KCTD16: variants seen among roughly 807,000 people sequenced by gnomAD.
KCTD16 encodes the protein BTB/POZ domain-containing protein KCTD16.
KCTD16 carries 13 observed loss-of-function variants against 33.2 expected under a neutral mutation model. That is an observed-to-expected ratio of 0.39 (90% CI 0.25 to 0.62). The LOEUF is 0.62. KCTD16 is among the 20% of genes least tolerant of loss of function. The probability of loss-of-function intolerance (pLI) is 0.50; values close to 1 mark genes in which losing one functional copy is unlikely to be tolerated. For synonymous variants in KCTD16, 197 were observed against 195.3 expected (o/e 1.01, Z -0.07); for missense variants, 441 against 525.1 (o/e 0.84, Z 1.57).
intron 3 of KCTD16, among the ~76,000 whole-genome samples, chr5:144,398,315 G>C (rs1398955516): frequency 6.6e-6 from 1 of 152,150 alleles, no homozygotes; most frequent in East Asian, 1.9e-4. Context: ...ATGTCAGGTA[G>C]TAAAGAGAAG....
chr5:144,331,691 A>C (rs2126891685), intron 3 of KCTD16, among the ~76,000 whole-genome samples: 1 of 152,304 alleles, frequency 6.6e-6, no homozygotes, highest in South Asian at 2.1e-4. Context: ...TCATGTTATT[A>C]AGAGTCTGAG....
chr5:144,452,146 T>TTATATATATATA lies in KCTD16; in HGVS notation c.833-21506_833-21495dup, dbSNP rs140891816. Among the ~76,000 whole-genome samples the TTATATATATATA allele has an allele frequency of 2.2e-3, 304 of 138,160 alleles. 14 individuals are homozygous for TTATATATATATA. The highest frequency in any genetic ancestry group is 8.3e-3 in the African/African-American group (282 of 33,822). 90.6% of individuals were successfully genotyped at this position (138,160 alleles called of 152,430 possible). ...CAAAACACATTAAATATATATAATA[T>TTATATATATATA]TATATATATATATATATATTCCTGT... On this transcript the variant is annotated intron_variant, in intron 3 of 3. Coordinates refer to ENST00000512467, the MANE Select transcript of KCTD16 (RefSeq NM_020768.4).
In KCTD16 at chr5:144,233,547, C is replaced by A. The variant is rs532356090; in HGVS notation, c.832+26001C>A. On this transcript the variant is annotated intron_variant, in intron 3 of 3. Transcript: ENST00000512467. Reference sequence around the variant, plus strand: ...TTCTTTTATTCCCCCCACATCCAAACCCTTTTTGCTTGTATTTTCTCTTAA... The same window carrying A: ...TTCTTTTATTCCCCCCACATCCAAAACCTTTTTGCTTGTATTTTCTCTTAA... Among the ~76,000 whole-genome samples the A allele has an allele frequency of 2.6e-5, 4 of 152,232 alleles. No individual in the cohort carries two copies. In the South Asian group the frequency reaches 8.3e-4, roughly 32 times the overall value.
intron 2 of KCTD16, among the ~76,000 whole-genome samples, chr5:144,189,732 A>C (rs1752804189): frequency 6.6e-6 from 1 of 152,140 alleles, no homozygotes; most frequent in Non-Finnish European, 1.5e-5. Context: ...TAGTTTTTTC[A>C]GGTGGTTTGC....
chr5:144,296,140 A>G (rs1232167436), intron 3 of KCTD16, among the ~76,000 whole-genome samples: 3 of 152,184 alleles, frequency 2.0e-5, no homozygotes, highest in Non-Finnish European at 4.4e-5. Context: ...GCTCATGGAA[A>G]CTTCTCTACA....
chr5:144,290,967 A>G (rs1021721455), intron 3 of KCTD16, among the ~76,000 whole-genome samples: 2 of 152,266 alleles, frequency 1.3e-5, no homozygotes, highest in African/African-American at 4.8e-5. Flanking sequence ...TTTAATATGG[A>G]TTACAAAGAT....
rs187507357 is a variant in KCTD16, at chr5:144,440,645, G to A, written c.833-33015G>A. ...TCAGGAGTTCAAGACCAGCTTGGGC[G>A]ATATAATGAGGCCCTATCTCTACTG... On this transcript the variant is annotated intron_variant, in intron 3 of 3. Coordinates refer to ENST00000512467, the MANE Select transcript of KCTD16 (RefSeq NM_020768.4). Among the ~76,000 whole-genome samples the A allele has an allele frequency of 4.8e-4, 72 of 151,024 alleles. 1 individual carries two copies. In the East Asian group the frequency reaches 0.012, roughly 25 times the overall value.
intron 3 of KCTD16, among the ~76,000 whole-genome samples, chr5:144,359,578 A>G (rs981508962): frequency 1.3e-5 from 2 of 151,722 alleles, no homozygotes; most frequent in African/African-American, 2.4e-5. Context: ...CTCTAGAACA[A>G]TGATTTCAAG....
chr5:144,357,878 C>T (rs937937560), intron 3 of KCTD16, among the ~76,000 whole-genome samples: 2 of 152,014 alleles, frequency 1.3e-5, no homozygotes, highest in African/African-American at 4.8e-5. Flanking sequence ...CACCTGCTCA[C>T]CTGCTCAGAA....
chr5:144,374,674 T>C (rs961770509), intron 3 of KCTD16, among the ~76,000 whole-genome samples: 1 of 152,206 alleles, frequency 6.6e-6, no homozygotes, highest in Non-Finnish European at 1.5e-5. Flanking sequence ...ATAACCTCTT[T>C]GACTTTTATT....
chr5:144,264,936 A>G (rs900305309), intron 3 of KCTD16, among the ~76,000 whole-genome samples: 1 of 152,244 alleles, frequency 6.6e-6, no homozygotes, highest in African/African-American at 2.4e-5. Context: ...TACAATTTCA[A>G]TCAGTTATAA....
intron 3 of KCTD16, among the ~76,000 whole-genome samples, chr5:144,295,598 T>C (rs1333280501): frequency 6.6e-6 from 1 of 152,164 alleles, no homozygotes; most frequent in Non-Finnish European, 1.5e-5. Context: ...GGGACTGTGG[T>C]GGGCAGAATA....
chr5:144,373,205 TG>T (rs1014448002), intron 3 of KCTD16, among the ~76,000 whole-genome samples: 2 of 152,108 alleles, frequency 1.3e-5, no homozygotes, highest in Admixed American at 1.3e-4. Context: ...GAGGCTCATA[TG>T]TTAAATTTCA....
chr5:144,414,381 T>C (rs1753001183), intron 3 of KCTD16, among the ~76,000 whole-genome samples: 1 of 152,204 alleles, frequency 6.6e-6, no homozygotes, highest in African/African-American at 2.4e-5. Context: ...TAAGAGTACA[T>C]GGCCTGTGTG....
At chr5:144,329,582 C>A (rs1216001302) in intron 3 of KCTD16, among the ~76,000 whole-genome samples, 1 of 152,112 alleles carries the variant, frequency 6.6e-6, no homozygotes, top group African/African-American at 2.4e-5. Flanking sequence ...TCACAAAGCT[C>A]TATTATGTAC....
intron 2 of KCTD16, among the ~76,000 whole-genome samples, chr5:144,190,460 T>G (rs1377233325): frequency 6.6e-6 from 1 of 152,252 alleles, no homozygotes; most frequent in Admixed American, 6.5e-5. Context: ...ACAAAGCTTA[T>G]TGTGAAGAAT....
At position 144,475,176 on chromosome 5, in the gene KCTD16, G is replaced by A. The variant is rs1236382502; in HGVS notation, c.*1062G>A. ...GAACTAAGGACAACACACAGTACTT[G>A]AATAAGGGTCCGGCCTTTTGTTTGT... On this transcript the variant is annotated 3_prime_UTR_variant, in exon 4 of 4. Transcript: ENST00000512467. The A allele has an allele frequency of 6.6e-6, 1 of 152,304 alleles. No individual in the cohort carries two copies. The highest frequency in any genetic ancestry group is 1.9e-4 in the East Asian group (1 of 5,180). The allele number at this position is 152,304 out of a possible 1,614,324, so 9.4% of individuals were successfully genotyped here. A position where few individuals can be genotyped will look rare whatever the true frequency, so the allele number is the denominator to read the frequency against.
In KCTD16 at chr5:144,467,008, A is replaced by T. The variant is rs1354269116; in HGVS notation, c.833-6652A>T. On this transcript the variant is annotated intron_variant, in intron 3 of 3. Coordinates refer to ENST00000512467, the MANE Select transcript of KCTD16 (RefSeq NM_020768.4). Reference sequence around the variant, plus strand: ...TAACACTATATATATTATATATATTATATATAATATATATAACACTATATA... The same window carrying T: ...TAACACTATATATATTATATATATTTTATATAATATATATAACACTATATA... 2.4e-5 allele frequency among the ~76,000 whole-genome samples: 3 copies of T among 126,226 alleles called. No individual in the cohort carries two copies. In the East Asian group the frequency reaches 6.7e-4, roughly 28 times the overall value. The allele number at this position is 126,226 out of a possible 152,430, so 82.8% of individuals were successfully genotyped here. A position where few individuals can be genotyped will look rare whatever the true frequency, so the allele number is the denominator to read the frequency against.
intron 3 of KCTD16, among the ~76,000 whole-genome samples, chr5:144,424,265 A>G (rs1753274050): frequency 6.6e-6 from 1 of 152,188 alleles, no homozygotes; most frequent in South Asian, 2.1e-4. Context: ...GGCCGGTGAA[A>G]CATAATTGGG....
Sources: gnomAD v4.1 joint callset for allele counts (sites outside exome capture counted in the v4.1 genomes callset) on GRCh38, gnomAD v4.1.1 for gene constraint, MANE v1.5 for transcripts, NCBI Gene and HGNC (gene_info 2026-07-23, HGNC 2026-07-21) for gene names.